The following ASB3 variants were observed in gnomAD, a reference collection of about 807,000 sequenced individuals.
The protein encoded by ASB3 is ankyrin repeat and SOCS box containing 3.
A neutral mutation model predicts 54.5 loss-of-function variants in ASB3; 41 were observed. The observed-to-expected ratio is 0.75, with a 90% CI of 0.59 to 0.98. The LOEUF (loss-of-function observed/expected upper bound fraction) is 0.98. Ranked by LOEUF, ASB3 falls within the 50% of genes least tolerant of loss-of-function variation. ASB3 has a pLI of 0.00. For missense variants in ASB3, 733 were observed against 620.0 expected (o/e 1.18, Z -1.94); for synonymous variants, 266 against 221.2 (o/e 1.20, Z -1.80).
In ASB3 at chr2:53,765,391, A is replaced by G. The variant is rs759351881; in HGVS notation, c.182T>C (p.Met61Thr). 1 of 1,614,218 alleles carries G rather than the reference A, an allele frequency of 6.2e-7. No homozygotes were observed. The change falls in exon 2 of 10, where the codon ATG (methionine) becomes ACG (threonine). Residue 61 changes from methionine (M) to threonine (T), a missense_variant. Coordinates refer to ENST00000263634, the MANE Select transcript of ASB3 (RefSeq NM_016115.5). The stretch of plus-strand genomic sequence containing the variant: ...ATTTACTTTACCTGCATTAATTAAC[A>G]TTTGCAAACATTCTACAGAGTTGTG... ...AYHNSVECLQ[M>T]LINADSSENY...
intron 7 of ASB3, among the ~76,000 whole-genome samples, chr2:53,704,306 G>T (rs1669649027): frequency 6.7e-6 from 1 of 148,642 alleles, no homozygotes; most frequent in Admixed American, 6.7e-5. Context: ...GTTGCAGTGA[G>T]TCAAGATCAC....
At position 53,757,583 on chromosome 2, in the gene ASB3, T is replaced by C. The variant is rs186300703; in HGVS notation, c.197-6642A>G. Reference sequence around the variant, plus strand: ...CTTCCTCCGATCCCTGCCTCCTAGGTACTAATGGTTCAGACTTCATTTCCT... The same window carrying C: ...CTTCCTCCGATCCCTGCCTCCTAGGCACTAATGGTTCAGACTTCATTTCCT... On this transcript the variant is annotated intron_variant, in intron 2 of 9. Coordinates refer to ENST00000263634, the MANE Select transcript of ASB3 (RefSeq NM_016115.5). Among the ~76,000 whole-genome samples, 16 of 152,312 alleles carry C rather than the reference T, an allele frequency of 1.1e-4. 2 individuals carry two copies. In the East Asian group the frequency reaches 3.1e-3, roughly 29 times the overall value.
chr2:53,764,975 T>C (rs926139208), intron 2 of ASB3, among the ~76,000 whole-genome samples: 6 of 152,342 alleles, frequency 3.9e-5, no homozygotes, highest in Non-Finnish European at 4.4e-5. Flanking sequence ...CCCAAAAGTA[T>C]TAAAAAGTGT....
chr2:53,723,389 A>T (rs1201202067), intron 5 of ASB3, among the ~76,000 whole-genome samples: 1 of 152,022 alleles, frequency 6.6e-6, no homozygotes, highest in African/African-American at 2.4e-5. Context: ...TTACATGAGA[A>T]AGTTCTTTAG....
chr2:53,754,992 A>G (rs1672734494), intron 2 of ASB3, among the ~76,000 whole-genome samples: 1 of 152,168 alleles, frequency 6.6e-6, no homozygotes, highest in African/African-American at 2.4e-5. Flanking sequence ...CCTTCTCTAC[A>G]GGGGTGCTTC....
Position 53,710,187 on chromosome 2 carries a change from G to A in ASB3, c.980+4197C>T, listed in dbSNP as rs916924287. Among the ~76,000 whole-genome samples the A allele has an allele frequency of 5.9e-5, 9 of 152,308 alleles. No homozygotes were observed. The South Asian group carries it at 1.2e-3, about 21-fold the overall frequency. On this transcript the variant is annotated intron_variant, in intron 7 of 9. Transcript: ENST00000263634. ...TCCAGAAGCTGCATGGCTGTGCCACGCCAGTCTGCACGCTCCAGCTGCCAG... is the reference window on the plus strand; with the variant it reads ...TCCAGAAGCTGCATGGCTGTGCCACACCAGTCTGCACGCTCCAGCTGCCAG...
At chr2:53,746,425 T>A (rs1195948727) in intron 3 of ASB3, among the ~76,000 whole-genome samples, 1 of 152,002 alleles carries the variant, frequency 6.6e-6, no homozygotes, top group African/African-American at 2.4e-5. Context: ...ATTTTTTCCA[T>A]ACACAACACT....
Position 53,685,120 on chromosome 2 carries a change from G to A in ASB3, c.1369+8764C>T, listed in dbSNP as rs115168207. Among the ~76,000 whole-genome samples, 1,039 of 152,268 alleles carry A rather than the reference G, an allele frequency of 6.8e-3. 12 individuals are homozygous for A. The highest frequency in any genetic ancestry group is 0.024 in the African/African-American group (999 of 41,552). ...CTTGCTAGAGTTTGTCCTTTACTCT[G>A]GGAGAAATCGAGTTCTTTTACATTC... is the stretch of plus-strand genomic sequence containing the variant. On this transcript the variant is annotated intron_variant, in intron 9 of 9. Coordinates refer to ENST00000263634, the MANE Select transcript of ASB3 (RefSeq NM_016115.5).
intron 9 of ASB3, among the ~76,000 whole-genome samples, chr2:53,681,826 A>G (rs1668386175): frequency 6.6e-6 from 1 of 152,072 alleles, no homozygotes; most frequent in Non-Finnish European, 1.5e-5. Flanking sequence ...TGCTCAGGAT[A>G]GCTTTGGCTA....
chr2:53,692,192 T>C (rs1471014842), intron 9 of ASB3, among the ~76,000 whole-genome samples: 1 of 152,046 alleles, frequency 6.6e-6, no homozygotes, highest in Non-Finnish European at 1.5e-5. Context: ...ATGGATGAAA[T>C]AACAAACAGC....
intron 1 of ASB3, chr2:53,774,190 G>A (rs1413715846): frequency 6.2e-7 from 1 of 1,613,168 alleles, no homozygotes; most frequent in Non-Finnish European, 8.5e-7. Context: ...AAAGGAAGAA[G>A]AAGTAAAAGC....
At chr2:53,717,377 TACTCTCTATTACATC>T (rs1213248066) in intron 5 of ASB3, among the ~76,000 whole-genome samples, 1 of 152,198 alleles carries the variant, frequency 6.6e-6, no homozygotes, top group East Asian at 1.9e-4. Context: ...ATATTGACTA[TACTCTCTATTACATC>T]TCTTTCTTCA....
intron 2 of ASB3, among the ~76,000 whole-genome samples, chr2:53,758,108 T>G (rs1484069023): frequency 6.6e-6 from 1 of 151,980 alleles, no homozygotes; most frequent in Non-Finnish European, 1.5e-5. Context: ...CAGGGTAAAT[T>G]TAAAACCTAT....
At chr2:53,757,582 G>A (rs181733820) in intron 2 of ASB3, among the ~76,000 whole-genome samples, 2 of 152,268 alleles carry the variant, frequency 1.3e-5, no homozygotes, top group East Asian at 3.9e-4. Flanking sequence ...TGCCTCCTAG[G>A]TACTAATGGT....
intron 3 of ASB3, among the ~76,000 whole-genome samples, chr2:53,735,958 G>A (rs530486477): frequency 1.9e-4 from 27 of 139,504 alleles, no homozygotes; most frequent in South Asian, 1.1e-3. Flanking sequence ...GATGGATTGC[G>A]AATTAAATTC....
At chr2:53,687,425 G>A (rs929424541) in intron 9 of ASB3, among the ~76,000 whole-genome samples, 1 of 152,216 alleles carries the variant, frequency 6.6e-6, no homozygotes, top group Non-Finnish European at 1.5e-5. Context: ...GAAAGGTCAT[G>A]TGTCCAGTTT....
At chr2:53,698,774 A>G (rs959721986) in intron 8 of ASB3, among the ~76,000 whole-genome samples, 1 of 152,180 alleles carries the variant, frequency 6.6e-6, no homozygotes, top group Non-Finnish European at 1.5e-5. Flanking sequence ...AATAATCTCT[A>G]AGAAGGTTGA....
intron 3 of ASB3, among the ~76,000 whole-genome samples, chr2:53,738,584 G>T (rs1558550808): frequency 1.3e-5 from 2 of 152,142 alleles, no homozygotes; most frequent in Non-Finnish European, 2.9e-5. Context: ...GGTAGGACTG[G>T]TCTAGAGATT....
At chr2:53,735,994 C>A (rs1671605446) in intron 3 of ASB3, among the ~76,000 whole-genome samples, 4 of 142,346 alleles carry the variant, frequency 2.8e-5, no homozygotes, top group Admixed American at 6.9e-5. Context: ...AACAACAAAC[C>A]TTCTAAAAAA....
Sources: gnomAD v4.1 joint callset for allele counts (sites outside exome capture counted in the v4.1 genomes callset) on GRCh38, gnomAD v4.1.1 for gene constraint, MANE v1.5 for transcripts, NCBI Gene and HGNC (gene_info 2026-07-23, HGNC 2026-07-21) for gene names.